The following NFIA variants were observed in gnomAD, a reference collection of about 807,000 sequenced individuals.
The protein encoded by NFIA is nuclear factor I A, also known as nuclear factor 1 A-type.
NFIA carries 8 observed loss-of-function variants against 62.8 expected under a neutral mutation model. That is an observed-to-expected ratio of 0.13 (90% confidence interval 0.07 to 0.23). NFIA has a LOEUF of 0.23. Ranked by LOEUF, NFIA falls within the 10% of genes least tolerant of loss-of-function variation. NFIA has a pLI of 1.00. For missense variants in NFIA, 410 were observed against 642.1 expected, an observed-to-expected ratio of 0.64 and a Z score of 3.91; for synonymous variants, 235 against 238.1, an observed-to-expected ratio of 0.99 and a Z score of 0.12.
chr1:61,426,633 C>A, intron 10 of NFIA, 77 bp downstream of exon 10: 1 of 994,254 alleles, frequency 1.0e-6, no homozygotes, highest in Non-Finnish European at 1.5e-6. Context: ...GTCTTTTGCA[C>A]AAAAGGCCAC....
At chr1:61,130,526 G>C (rs1382727584) in intron 2 of NFIA, among the ~76,000 whole-genome samples, 2 of 152,336 alleles carry the variant, frequency 1.3e-5, no homozygotes, top group Admixed American at 1.3e-4. Flanking sequence ...ACATGCATCA[G>C]TGATGCATAA....
chr1:61,207,886 G>A (rs1439184438), intron 2 of NFIA, among the ~76,000 whole-genome samples: 1 of 151,602 alleles, frequency 6.6e-6, no homozygotes, highest in Non-Finnish European at 1.5e-5. Flanking sequence ...GTGCACATTT[G>A]TGTAGGGGTT....
chr1:61,439,460 T>A (rs780134184), intron 10 of NFIA: 3 of 151,020 alleles, frequency 2.0e-5, no homozygotes, highest in Non-Finnish European at 4.4e-5. Flanking sequence ...GGGTGCCACA[T>A]GACAGGACGA....
intron 3 of NFIA, among the ~76,000 whole-genome samples, chr1:61,314,328 G>A (rs924588551): frequency 6.6e-6 from 1 of 152,174 alleles, no homozygotes; most frequent in Non-Finnish European, 1.5e-5. Context: ...GAAGGTCAAA[G>A]AGGTACACTC....
chr1:61,143,681 G>A (rs537936176), intron 2 of NFIA, among the ~76,000 whole-genome samples: 16 of 152,310 alleles, frequency 1.1e-4, no homozygotes, highest in African/African-American at 2.2e-4. Flanking sequence ...ATGAGCCACT[G>A]TGCCTTGCCT....
chr1:61,441,105 TGAAG>T (rs1667552700), intron 10 of NFIA, among the ~76,000 whole-genome samples: 2 of 151,966 alleles, frequency 1.3e-5, no homozygotes, highest in African/African-American at 4.8e-5. Context: ...CTGTTATGAG[TGAAG>T]GAAGGGACTA....
At chr1:61,313,576 G>T (rs1194454862) in intron 3 of NFIA, among the ~76,000 whole-genome samples, 1 of 152,134 alleles carries the variant, frequency 6.6e-6, no homozygotes, top group Non-Finnish European at 1.5e-5. Context: ...CAATATTGGG[G>T]ATTACAGTTC....
chr1:61,396,898 A>G (rs1456622605), intron 7 of NFIA, among the ~76,000 whole-genome samples: 1 of 152,050 alleles, frequency 6.6e-6, no homozygotes, highest in African/African-American at 2.4e-5. Context: ...GCTACTCGGG[A>G]GGCTAAGGCA....
intron 3 of NFIA, among the ~76,000 whole-genome samples, chr1:61,332,064 T>A (rs1306152849): frequency 1.3e-5 from 2 of 152,240 alleles, no homozygotes; most frequent in Admixed American, 6.5e-5. Context: ...AGAACACCTT[T>A]AAATCTTGTT....
At chr1:61,276,478 A>G (rs1263406260) in intron 2 of NFIA, among the ~76,000 whole-genome samples, 6 of 152,222 alleles carry the variant, frequency 3.9e-5, no homozygotes, top group Admixed American at 3.9e-4. Context: ...TGTGAAGTCA[A>G]GTTGAAGTTA....
chr1:61,152,144 A>C (rs1648461553), intron 2 of NFIA, among the ~76,000 whole-genome samples: 2 of 152,290 alleles, frequency 1.3e-5, no homozygotes, highest in South Asian at 4.1e-4. Context: ...AAGCAAATTT[A>C]TGGTTGTTTA....
intron 3 of NFIA, among the ~76,000 whole-genome samples, chr1:61,286,078 A>G (rs1297773447): frequency 6.6e-6 from 1 of 152,190 alleles, no homozygotes; most frequent in East Asian, 1.9e-4. Flanking sequence ...TGTCCAAGTC[A>G]CTTAAAGACT....
At chr1:61,319,961 A>G (rs902935857) in intron 3 of NFIA, among the ~76,000 whole-genome samples, 5 of 152,060 alleles carry the variant, frequency 3.3e-5, no homozygotes, top group African/African-American at 9.7e-5. Flanking sequence ...CTATTCACAC[A>G]TGCTCACTTC....
chr1:61,127,100 C>T (rs1025137720), intron 2 of NFIA, among the ~76,000 whole-genome samples: 1 of 149,916 alleles, frequency 6.7e-6, no homozygotes, highest in Non-Finnish European at 1.5e-5. Context: ...GTGGAGGTTG[C>T]AGTGAGCCAA....
At position 61,295,399 on chromosome 1, in the gene NFIA, A is replaced by G. The variant is rs1158596692; in HGVS notation, c.625+17814A>G. Among the ~76,000 whole-genome samples the G allele has an allele frequency of 2.0e-5, 3 of 152,340 alleles. No individual in the cohort carries two copies. The South Asian group carries it at 6.2e-4, about 32-fold the overall frequency. On this transcript the variant is annotated intron_variant, in intron 3 of 10. Coordinates refer to ENST00000403491, the MANE Select transcript of NFIA (RefSeq NM_001134673.4). ...GTCCACCTCATATTTCCTAGCAGAC[A>G]TAAAAGACATGGTGTCTCTCTTGCT...
chr1:61,273,750 A>G (rs551159291), intron 2 of NFIA, among the ~76,000 whole-genome samples: 28 of 152,336 alleles, frequency 1.8e-4, no homozygotes, highest in Admixed American at 1.0e-3. Context: ...CATAATATTA[A>G]TCACACTGTA....
chr1:61,185,668 C>G (rs886071756), intron 2 of NFIA, among the ~76,000 whole-genome samples: 1 of 145,638 alleles, frequency 6.9e-6, no homozygotes, highest in Non-Finnish European at 1.5e-5. Context: ...ACCGTGACTC[C>G]TTAGATGCTC....
At chr1:61,402,028 T>C (rs965820493) in intron 7 of NFIA, among the ~76,000 whole-genome samples, 1 of 127,846 alleles carries the variant, frequency 7.8e-6, no homozygotes, top group Non-Finnish European at 1.6e-5. Context: ...GTTTTACTCA[T>C]TTTTCTTTTT....
upstream of NFIA, among the ~76,000 whole-genome samples, chr1:61,080,704 G>C (rs1646085054): frequency 6.6e-6 from 1 of 152,176 alleles, no homozygotes; most frequent in South Asian, 2.1e-4. Context: ...ATTAAAGGCT[G>C]AAATCATTAT....
Sources: allele counts gnomAD v4.1 joint callset (sites outside exome capture counted in the v4.1 genomes callset), GRCh38; gene constraint gnomAD v4.1.1; transcripts MANE v1.5; gene names NCBI Gene and HGNC (gene_info 2026-07-23, HGNC 2026-07-21).